The following COG4 variants were observed in gnomAD, a reference collection of about 807,000 sequenced individuals.
The protein encoded by COG4 is component of oligomeric golgi complex 4, also known as conserved oligomeric Golgi complex subunit 4.
In COG4, 65 loss-of-function variants were observed where a neutral mutation model predicts 95.1. That is an observed-to-expected ratio of 0.68 (90% CI 0.56 to 0.84). The LOEUF is 0.84. Among genes scored for constraint, COG4 ranks in the 40% least tolerant of loss-of-function variants. COG4 has a pLI of 0.00. For synonymous variants in COG4, 421 were observed against 374.8 expected, an observed-to-expected ratio of 1.12 and a Z score of -1.42; for missense variants, 1,045 against 989.1, an observed-to-expected ratio of 1.06 and a Z score of -0.76.
In COG4 at chr16:70,497,946, A is replaced by T. The variant is rs1469779767; in HGVS notation, c.1305T>A (p.Thr435=). ...GCGTCCTATGTCCTACCTTATTGACAGTCTCCCTCATGAAGTACTCCTCCA... is the reference window on the plus strand; with the variant it reads ...GCGTCCTATGTCCTACCTTATTGACTGTCTCCCTCATGAAGTACTCCTCCA... ...VTMEEYFMRE[T]VNKAVALDTY... is the part of the protein sequence containing the mutation. The change falls in exon 10 of 19, where the codon ACT becomes ACA. Residue 435 remains threonine, a synonymous_variant. Transcript: ENST00000323786. 6.3e-7 allele frequency: 1 copy of T among 1,579,324 alleles called. No homozygotes were observed.
intron 4 of COG4, among the ~76,000 whole-genome samples, chr16:70,513,331 A>T (rs74026073): frequency 0.042 from 6,393 of 152,306 alleles, 464 homozygotes; most frequent in African/African-American, 0.15. Flanking sequence ...ATGAGTAGGC[A>T]ATATGGCCAA....
At chr16:70,496,522 A>G (rs889095149) in intron 11 of COG4, 91 bp from the exon 12 acceptor site, 21 of 1,317,716 alleles carry the variant, frequency 1.6e-5, no homozygotes, top group Non-Finnish European at 2.3e-5. Context: ...ACCCAGCAGC[A>G]CAAGGTGCTC....
At chr16:70,487,832 T>A (rs576066703) in intron 13 of COG4, among the ~76,000 whole-genome samples, 14 of 152,192 alleles carry the variant, frequency 9.2e-5, no homozygotes, top group South Asian at 4.1e-4. Context: ...CTTTTTTTTT[T>A]ATGTTTTTTT....
At chr16:70,490,303 A>C (rs1379236862) in intron 13 of COG4, 27 bp downstream of exon 13, 1 of 1,587,506 alleles carries the variant, frequency 6.3e-7, no homozygotes. Context: ...ATGGCTGCTG[A>C]CCACTGATAG....
Position 70,482,742 on chromosome 16 carries a change from T to C in COG4, c.1907A>G (p.His636Arg), listed in dbSNP as rs771582886. 2.5e-6 allele frequency: 4 copies of C among 1,613,760 alleles called. No individual in the cohort carries two copies. The highest frequency in any genetic ancestry group is 1.7e-5 in the Admixed American group (1 of 59,986). Residue 636 changes from histidine (H) to arginine (R), a missense_variant, in exon 15 of 19, where the codon CAC becomes CGC. His to Arg is a conservative substitution (Grantham distance 29). Transcript: ENST00000323786. The stretch of plus-strand genomic sequence containing the variant: ...GGCCAGGCTAACCTCCTCGATGTTG[T>C]GGGAGACGGAGAAAAAGCTGTTGAT... ...PWINSFFSVSHNIEEEEFNDY... is the reference protein window; with the variant it reads ...PWINSFFSVSRNIEEEEFNDY...
intron 2 of COG4, among the ~76,000 whole-genome samples, chr16:70,518,115 G>C (rs1311466492): frequency 6.6e-6 from 1 of 151,726 alleles, no homozygotes; most frequent in Non-Finnish European, 1.5e-5. Context: ...ATTTGTAGTA[G>C]AGACGGGGTT....
At position 70,523,444 on chromosome 16, in the gene COG4, C is replaced by T. The variant is rs766954302; in HGVS notation, c.100G>A (p.Ala34Thr). The T allele has an allele frequency of 7.2e-5, 116 of 1,613,978 alleles. No individual in the cohort carries two copies. The highest frequency in any genetic ancestry group is 9.2e-5 in the Non-Finnish European group (108 of 1,180,014). Residue 34 changes from alanine (A) to threonine (T), a missense_variant, in exon 1 of 19, where the codon GCT (alanine) becomes ACT (threonine). By Grantham distance (58) the Ala-to-Thr change is moderately conservative. Coordinates refer to ENST00000323786, the MANE Select transcript of COG4 (RefSeq NM_015386.3). ...VGGGRCSEIS[A>T]ELIRSLTELQ... ...TCTGTCAGGGAGCGAATGAGCTCAG[C>T]GGAGATTTCGGAGCAGCGGCCACCT...
At chr16:70,500,833 C>T (rs2049433524) in intron 9 of COG4, 125 bp downstream of exon 9, 1 of 1,167,598 alleles carries the variant, frequency 8.6e-7, no homozygotes, top group African/African-American at 1.5e-5. Context: ...AGTCAATTTG[C>T]CTACAGACCA....
In COG4 at chr16:70,481,381, G is replaced by A; in HGVS notation, c.2213C>T (p.Ala738Val). 1 of 1,613,290 alleles carries A rather than the reference G, an allele frequency of 6.2e-7. No individual in the cohort carries two copies. The highest frequency in any genetic ancestry group is 8.5e-7 in the Non-Finnish European group (1 of 1,179,986). The change falls in exon 18 of 19, where the codon GCC becomes GTC. Residue 738 changes from alanine to valine, a missense_variant. Transcript: ENST00000323786. ...TACCCGCTCCAGATTGAGGATGGTG[G>A]CCATCTGGGAGAGCCGGGCAAACTT... ...RDKFARLSQM[A>V]TILNLERVTE...
chr16:70,502,748 T>C (rs2049480809), intron 8 of COG4, among the ~76,000 whole-genome samples: 2 of 152,132 alleles, frequency 1.3e-5, no homozygotes. Flanking sequence ...TCTTGAAAAA[T>C]ACAAAGTTGG....
rs772226017 is a variant in COG4 at position 70,496,261 on chromosome 16, C to G, written c.1647+5G>C. ...AACCCAGCTCGTGAGCTGTGGGGTACCTACCAGGAAGGACATCTTCGCCTC... is the reference window on the plus strand; with the variant it reads ...AACCCAGCTCGTGAGCTGTGGGGTAGCTACCAGGAAGGACATCTTCGCCTC... On this transcript the variant is annotated splice_donor_5th_base_variant and intron_variant, in intron 12 of 18. Transcript: ENST00000323786. The G allele has an allele frequency of 6.2e-7, 1 of 1,614,138 alleles. No individual in the cohort carries two copies. Among genetic ancestry groups the G allele is most frequent in the Non-Finnish European group, 8.5e-7 (1 of 1,180,006 alleles).
chr16:70,507,079 T>C (rs1369349465), intron 8 of COG4, among the ~76,000 whole-genome samples: 1 of 151,826 alleles, frequency 6.6e-6, no homozygotes, highest in African/African-American at 2.4e-5. Context: ...TAGCCCAGCA[T>C]GGTGGTGTAC....
chr16:70,502,652 C>T (rs2049479309), intron 8 of COG4, among the ~76,000 whole-genome samples: 1 of 151,946 alleles, frequency 6.6e-6, no homozygotes, highest in South Asian at 2.1e-4. Flanking sequence ...ACTCTCCAAT[C>T]TCTAATTTAG....
intron 13 of COG4, among the ~76,000 whole-genome samples, chr16:70,487,434 T>C (rs2049161660): frequency 6.6e-6 from 1 of 151,924 alleles, no homozygotes; most frequent in Non-Finnish European, 1.5e-5. Context: ...CCATCCCTAC[T>C]AAAAATACAA....
intron 12 of COG4, among the ~76,000 whole-genome samples, chr16:70,493,627 G>C (rs1399032448): frequency 1.3e-5 from 2 of 152,206 alleles, no homozygotes; most frequent in Non-Finnish European, 2.9e-5. Context: ...AGAAATAGCA[G>C]AGTCAGTTCA....
chr16:70,523,256 T>C (rs2049992161), intron 1 of COG4, 117 bp downstream of exon 1: 5 of 1,313,416 alleles, frequency 3.8e-6, no homozygotes. Context: ...CGCTTCTTTG[T>C]TTTCCCGCTT....
chr16:70,507,025 T>C (rs552376589), intron 8 of COG4, among the ~76,000 whole-genome samples: 141 of 152,208 alleles, frequency 9.3e-4, no homozygotes, highest in African/African-American at 3.3e-3. Context: ...GAGACCAGCC[T>C]AGGCAACATG....
intron 1 of COG4, among the ~76,000 whole-genome samples, chr16:70,521,088 T>C (rs2049932506): frequency 6.6e-6 from 1 of 152,156 alleles, no homozygotes; most frequent in Non-Finnish European, 1.5e-5. Context: ...TCTCACTATA[T>C]TGCCCAGGCT....
chr16:70,480,631 C>CCTAA lies in COG4; in HGVS notation c.*375_*378dup. The CCTAA allele has an allele frequency of 6.9e-6, 2 of 289,054 alleles. No individual in the cohort carries two copies. The highest frequency in any genetic ancestry group is 1.3e-5 in the Non-Finnish European group (2 of 149,268). The allele number at this position is 289,054 out of a possible 1,614,324, so 17.9% of individuals were successfully genotyped here. A position where few individuals can be genotyped will look rare whatever the true frequency, so the allele number is the denominator to read the frequency against. On this transcript the variant is annotated 3_prime_UTR_variant, in exon 19 of 19. Transcript: ENST00000323786. ...ATCACAGCCTCTCCTCAAAGTCAAG[C>CCTAA]CTAACTGCTAGGTCCCCAGATGTAC... is the stretch of plus-strand genomic sequence containing the variant.
Sources: allele counts gnomAD v4.1 joint callset (sites outside exome capture counted in the v4.1 genomes callset), GRCh38; gene constraint gnomAD v4.1.1; transcripts MANE v1.5; gene names NCBI Gene and HGNC (gene_info 2026-07-23, HGNC 2026-07-21).